TBL2: variants seen among roughly 807,000 people sequenced by gnomAD.
TBL2 encodes transducin beta-like protein 2.
Under a neutral mutation model 41.8 loss-of-function variants are expected in TBL2, and 33 were observed. That is an observed-to-expected ratio of 0.79 (90% CI 0.60 to 1.06). The LOEUF is 1.06. TBL2 is among the 50% of genes least tolerant of loss of function. The pLI is 0.00. For missense variants in TBL2, 522 were observed against 603.8 expected (o/e 0.86, Z 1.42); for synonymous variants, 239 against 241.7 (o/e 0.99, Z 0.10).
chr7:73,570,184 T>A lies in TBL2; in HGVS notation c.*323A>T, dbSNP rs1792835050. 1 of 261,466 alleles carries A rather than the reference T, an allele frequency of 3.8e-6. No homozygotes were observed. Among genetic ancestry groups the A allele is most frequent in the Non-Finnish European group, 7.3e-6 (1 of 137,782 alleles). 16.2% of individuals were successfully genotyped at this position (261,466 alleles called of 1,614,324 possible). A position where few individuals can be genotyped will look rare whatever the true frequency, so the allele number is the denominator to read the frequency against. On this transcript the variant is annotated 3_prime_UTR_variant, in exon 7 of 7. Coordinates refer to ENST00000305632, the MANE Select transcript of TBL2 (RefSeq NM_012453.4). ...AACTTCTTTGGGTGTGAGGATGTGC[T>A]GCCACAAGGCCAAAAATCACATTCT...
chr7:73,568,722 T>C lies in TBL2; in HGVS notation c.*1785A>G, dbSNP rs1325555488. Among the ~76,000 whole-genome samples the C allele has an allele frequency of 1.3e-5, 2 of 151,752 alleles. No homozygotes were observed. Among genetic ancestry groups the C allele is most frequent in the Non-Finnish European group, 2.9e-5 (2 of 67,948 alleles). ...GTGGTGGATCATTTGAGGTCAGGAGTTCGAGAGCAGCCTGGCCAACATCGT... is the reference window on the plus strand; with the variant it reads ...GTGGTGGATCATTTGAGGTCAGGAGCTCGAGAGCAGCCTGGCCAACATCGT... On this transcript the variant is annotated 3_prime_UTR_variant, in exon 7 of 7. Transcript: ENST00000305632.
chr7:73,573,035 CACTT>C, intron 4 of TBL2, 65 bp from the exon 5 acceptor site: 1 of 1,606,188 alleles, frequency 6.2e-7, no homozygotes. Flanking sequence ...TCTCCAAAGA[CACTT>C]ACAAGGCCTC....
In TBL2 at chr7:73,574,114, G is replaced by T; in HGVS notation, c.270C>A (p.Ser90Arg). ...TAAAGTCCATGCAAGATATGTTCCC[G>T]CTGTGGCTCTAGGGGAAGGGTGGCA... ...RLLAAALKSH[S>R]GNISCMDFSS... is the part of the protein sequence containing the mutation. The change falls in exon 3 of 7, where the codon AGC (serine) becomes AGA (arginine). Residue 90 changes from serine to arginine, a missense_variant. Coordinates refer to ENST00000305632, the MANE Select transcript of TBL2 (RefSeq NM_012453.4). 1 of 1,614,016 alleles carries T rather than the reference G, an allele frequency of 6.2e-7. No homozygotes were observed. Among genetic ancestry groups the T allele is most frequent in the Non-Finnish European group, 8.5e-7 (1 of 1,179,906 alleles).
rs781844358 is a variant in TBL2 at position 73,572,889 on chromosome 7, G to A, written c.680C>T (p.Thr227Ile). Reference protein sequence around the residue: ...LKGQVLSTINTNQMNNTHAAV... With the variant: ...LKGQVLSTININQMNNTHAAV... ...AGCGTGTGTGTTGTTCATCTGGTTG[G>A]TGTTGATGGTAGACAGCACTTGACC... The change falls in exon 5 of 7, where the codon ACC becomes ATC. Residue 227 changes from threonine (T) to isoleucine (I), a missense_variant. Physicochemically the swap from Thr to Ile is moderately conservative, Grantham distance 89 (BLOSUM62 -1). Coordinates refer to ENST00000305632, the MANE Select transcript of TBL2 (RefSeq NM_012453.4). 1.9e-6 allele frequency: 3 copies of A among 1,614,052 alleles called. No homozygotes were observed. The African/African-American group carries it at 4.0e-5, about 22-fold the overall frequency.
rs1425536882 is a variant in TBL2 at position 73,578,573 on chromosome 7, A to C, written c.-24T>G. The C allele has an allele frequency of 6.5e-7, 1 of 1,532,800 alleles. No homozygotes were observed. Among genetic ancestry groups the C allele is most frequent in the Non-Finnish European group, 8.8e-7 (1 of 1,136,404 alleles). The allele number at this position is 1,532,800 out of a possible 1,614,324, so 94.9% of individuals were successfully genotyped here. A position where few individuals can be genotyped will look rare whatever the true frequency, so the allele number is the denominator to read the frequency against. On this transcript the variant is annotated 5_prime_UTR_variant, in exon 1 of 7. Coordinates refer to ENST00000305632, the MANE Select transcript of TBL2 (RefSeq NM_012453.4). ...ATGTTGGTGGAACCACTGCCACCTC[A>C]GCTAGTGAGTACGCGGGCGCCCGCA...
rs1554586410 is a variant in TBL2 at position 73,567,577 on chromosome 7, C to T, written c.*2930G>A. Among the ~76,000 whole-genome samples the T allele has an allele frequency of 1.3e-5, 2 of 152,068 alleles. No individual in the cohort carries two copies. The highest frequency in any genetic ancestry group is 1.5e-5 in the Non-Finnish European group (1 of 68,012). ...CAAATTTTTTTTTTGAAAAATTTCA[C>T]ACCCACAGATGTTGAAATTATAATA... On this transcript the variant is annotated 3_prime_UTR_variant, in exon 7 of 7. Transcript: ENST00000305632.
Position 73,578,417 on chromosome 7 carries a change from T to C in TBL2, c.130+3A>G. ...CGCCCCCACCCGACCCGGCCCCACT[T>C]ACAGGCGGGCCGGCCGCTCCTCTCC... On this transcript the variant is annotated splice_donor_region_variant and intron_variant, in intron 1 of 6. Coordinates refer to ENST00000305632, the MANE Select transcript of TBL2 (RefSeq NM_012453.4). 6.6e-7 allele frequency: 1 copy of C among 1,525,526 alleles called. No homozygotes were observed. The highest frequency in any genetic ancestry group is 1.2e-5 in the South Asian group (1 of 81,924). 94.5% of individuals were successfully genotyped at this position (1,525,526 alleles called of 1,614,324 possible).
At chr7:73,577,264 C>CCCAAAAAAAAAAAA (rs782149543) in intron 1 of TBL2, among the ~76,000 whole-genome samples, 1 of 98,116 alleles carries the variant, frequency 1.0e-5, no homozygotes. Context: ...CGTCCCCCTG[C>CCCAAAAAAAAAAAA]AAAAAAAAAA....
chr7:73,570,765 G>T lies in TBL2; in HGVS notation c.1086C>A (p.Gly362=), dbSNP rs782061448. The T allele has an allele frequency of 1.9e-6, 3 of 1,614,164 alleles. No homozygotes were observed. The highest frequency in any genetic ancestry group is 1.3e-5 in the African/African-American group (1 of 75,080). Residue 362 remains glycine (G), a synonymous_variant, in exon 7 of 7, where the codon GGC becomes GGA. Transcript: ENST00000305632. ...SSIHLYNTRR[G]EKEECFERVH... is the part of the protein sequence containing the mutation. The stretch of plus-strand genomic sequence containing the variant: ...CCCGCTCAAAGCACTCCTCCTTCTC[G>T]CCCCGCCGGGTATTGTAGAGATGAA...
Position 73,574,466 on chromosome 7 carries a change from T to C in TBL2, c.178A>G (p.Lys60Glu). The C allele has an allele frequency of 6.2e-7, 1 of 1,614,216 alleles. No homozygotes were observed. Among genetic ancestry groups the C allele is most frequent in the African/African-American group, 1.3e-5 (1 of 75,054 alleles). The change falls in exon 2 of 7, where the codon AAG (lysine) becomes GAG (glutamate). Residue 60 changes from lysine to glutamate, a missense_variant. Lys to Glu is a moderately conservative substitution (Grantham distance 56). Coordinates refer to ENST00000305632, the MANE Select transcript of TBL2 (RefSeq NM_012453.4). Reference sequence around the variant, plus strand: ...CGAATCCGCTGATATTGTTTCTGCTTCTTGGATCCCGAAGATTTGTCAGGT... The same window carrying C: ...CGAATCCGCTGATATTGTTTCTGCTCCTTGGATCCCGAAGATTTGTCAGGT... ...FPPDKSSGSK[K>E]QKQYQRIRKE...
At position 73,568,975 on chromosome 7, in the gene TBL2, A is replaced by T. The variant is rs1792760032; in HGVS notation, c.*1532T>A. On this transcript the variant is annotated 3_prime_UTR_variant, in exon 7 of 7. Coordinates refer to ENST00000305632, the MANE Select transcript of TBL2 (RefSeq NM_012453.4). ...GTTTAGAAAAATTCTTTTGGATTTTATTCCAAGTGTGATGGGAAGCCTTGG... is the reference window on the plus strand; with the variant it reads ...GTTTAGAAAAATTCTTTTGGATTTTTTTCCAAGTGTGATGGGAAGCCTTGG... The T allele has an allele frequency of 6.6e-6, 1 of 152,206 alleles. No individual in the cohort carries two copies. Among genetic ancestry groups the T allele is most frequent in the Non-Finnish European group, 1.5e-5 (1 of 68,034 alleles). The allele number at this position is 152,206 out of a possible 1,614,324, so 9.4% of individuals were successfully genotyped here. A position where few individuals can be genotyped will look rare whatever the true frequency, so the allele number is the denominator to read the frequency against.
At chr7:73,578,330 C>T in intron 1 of TBL2, 90 bp downstream of exon 1, 1 of 1,536,242 alleles carries the variant, frequency 6.5e-7, no homozygotes, top group Non-Finnish European at 8.7e-7. Flanking sequence ...CGGGCCCCAC[C>T]AGCCGCGGGC....
At position 73,573,614 on chromosome 7, in the gene TBL2, ATC is replaced by A. The variant is rs782689706; in HGVS notation, c.447-145_447-144del. 91 of 1,141,758 alleles carry A rather than the reference ATC, an allele frequency of 8.0e-5. 1 individual carries two copies. The highest frequency in any genetic ancestry group is 1.1e-4 in the Non-Finnish European group (87 of 823,850). 70.7% of individuals were successfully genotyped at this position (1,141,758 alleles called of 1,614,324 possible). A position where few individuals can be genotyped will look rare whatever the true frequency, so the allele number is the denominator to read the frequency against. On this transcript the variant is annotated intron_variant, in intron 3 of 6. Transcript: ENST00000305632. ...TTAAAACTTAAGCCCCTGGTTCCAA[ATC>A]TCATAAAACTCCTCAAAAGGTAAGA...
At chr7:73,576,781 A>C (rs1793349790) in intron 1 of TBL2, 1 of 446,002 alleles carries the variant, frequency 2.2e-6, no homozygotes, top group African/African-American at 2.0e-5. Context: ...CCTCACACTT[A>C]AGTCATACCA....
chr7:73,574,956 G>A (rs568088716), intron 1 of TBL2, among the ~76,000 whole-genome samples: 6 of 152,264 alleles, frequency 3.9e-5, no homozygotes, highest in South Asian at 2.1e-4. Context: ...TGGAAAAGGC[G>A]CACTCTCTGG....
rs373698202 is a variant in TBL2, at chr7:73,570,912, C to G, written c.939G>C (p.Lys313Asn). ...TCAGCAAGTAGGGGTCCTGCTTCTT[C>G]TTGTATTCCACATCTGTGTCCCACA... ...WKLWDTDVEYKKKQDPYLLKT... is the reference protein window; with the variant it reads ...WKLWDTDVEYNKKQDPYLLKT... Residue 313 changes from lysine (K) to asparagine (N), a missense_variant, in exon 7 of 7, where the codon AAG (lysine) becomes AAC (asparagine). By Grantham distance (94) the Lys-to-Asn change is moderately conservative. Transcript: ENST00000305632. 1.9e-6 allele frequency: 3 copies of G among 1,613,656 alleles called. No homozygotes were observed. The highest frequency in any genetic ancestry group is 2.5e-6 in the Non-Finnish European group (3 of 1,179,872).
chr7:73,572,054 A>T (rs1209510587), intron 5 of TBL2: 1 of 157,596 alleles, frequency 6.3e-6, no homozygotes, highest in African/African-American at 2.4e-5. Context: ...CAAGAGCGAA[A>T]CTCCATCTCA....
At chr7:73,574,301 T>G (rs1191262877) in intron 2 of TBL2, 82 bp downstream of exon 2, 2 of 1,577,570 alleles carry the variant, frequency 1.3e-6, no homozygotes, top group Non-Finnish European at 1.7e-6. Context: ...CAGGAGAGCC[T>G]GTAACATGCA....
chr7:73,572,069 A>G (rs976240168), intron 5 of TBL2: 1 of 156,394 alleles, frequency 6.4e-6, no homozygotes, highest in African/African-American at 2.4e-5. Flanking sequence ...ATCTCAAAAA[A>G]CAAACAAACA....
Sources: allele counts gnomAD v4.1 joint callset (sites outside exome capture counted in the v4.1 genomes callset), GRCh38; gene constraint gnomAD v4.1.1; transcripts MANE v1.5; gene names NCBI Gene and HGNC (gene_info 2026-07-23, HGNC 2026-07-21).